Variants in SULT2B1 observed in about 807,000 individuals in gnomAD.
SULT2B1 encodes the protein sulfotransferase 2B1.
A neutral mutation model predicts 33.2 loss-of-function variants in SULT2B1; 16 were observed. That is an observed-to-expected ratio of 0.48 (90% CI 0.33 to 0.73). The LOEUF (loss-of-function observed/expected upper bound fraction) is 0.73, where lower values mean the gene tolerates loss of function less well. Ranked by LOEUF, SULT2B1 falls within the 30% of genes least tolerant of loss-of-function variation. The probability of loss-of-function intolerance (pLI) is 0.02; values close to 1 mark genes in which losing one functional copy is unlikely to be tolerated. For missense variants in SULT2B1, 500 were observed against 506.0 expected, an observed-to-expected ratio of 0.99 and a Z score of 0.11; for synonymous variants, 186 against 200.5, an observed-to-expected ratio of 0.93 and a Z score of 0.61.
intron 1 of SULT2B1, among the ~76,000 whole-genome samples, chr19:48,557,987 G>T (rs148938170): frequency 1.3e-5 from 2 of 152,194 alleles, no homozygotes; most frequent in East Asian, 3.9e-4. Flanking sequence ...TGGCACAGGC[G>T]GTAGGCAGGA....
At chr19:48,575,882 A>G (rs749175639) in intron 1 of SULT2B1, 59 bp from the exon 2 acceptor site, 1 of 1,567,946 alleles carries the variant, frequency 6.4e-7, no homozygotes, top group East Asian at 2.3e-5. Context: ...CGCCACCCTG[A>G]GAACTCCAGC....
At chr19:48,559,431 C>A (rs528604975) in intron 1 of SULT2B1, among the ~76,000 whole-genome samples, 1 of 152,004 alleles carries the variant, frequency 6.6e-6, no homozygotes, top group African/African-American at 2.4e-5. Flanking sequence ...AGAGCAGTGG[C>A]GTGATTTTAG....
chr19:48,571,905 G>A (rs1396845923), intron 1 of SULT2B1, among the ~76,000 whole-genome samples: 1 of 152,108 alleles, frequency 6.6e-6, no homozygotes, highest in Non-Finnish European at 1.5e-5. Context: ...GAGGCACCAT[G>A]CCCGGCTGCA....
At chr19:48,585,159 C>T (rs1973546187) in intron 2 of SULT2B1, among the ~76,000 whole-genome samples, 1 of 151,280 alleles carries the variant, frequency 6.6e-6, no homozygotes, top group Non-Finnish European at 1.5e-5. Context: ...CTGAAGTAAG[C>T]TGTGACTGCA....
chr19:48,580,113 T>TC (rs398041034), intron 2 of SULT2B1, among the ~76,000 whole-genome samples: 2 of 150,536 alleles, frequency 1.3e-5, no homozygotes, highest in Non-Finnish European at 3.0e-5. Flanking sequence ...TTTTTTTTTT[T>TC]CACAGACGAG....
intron 4 of SULT2B1, 66 bp from the exon 5 acceptor site, chr19:48,592,656 G>A: frequency 1.5e-6 from 2 of 1,377,828 alleles, no homozygotes; most frequent in Non-Finnish European, 2.0e-6. Flanking sequence ...TTAGACCCAT[G>A]AGCCCCAGTG....
intron 1 of SULT2B1, among the ~76,000 whole-genome samples, chr19:48,563,052 A>G (rs2147600460): frequency 6.6e-6 from 1 of 152,240 alleles, no homozygotes; most frequent in Non-Finnish European, 1.5e-5. Context: ...TTTCCCTATC[A>G]GATCTTTTTT....
intron 1 of SULT2B1, among the ~76,000 whole-genome samples, chr19:48,572,470 C>T (rs994239747): frequency 1.8e-4 from 27 of 151,882 alleles, no homozygotes; most frequent in African/African-American, 6.3e-4. Flanking sequence ...GCTGAGATCA[C>T]ACCACTACAC....
intron 2 of SULT2B1, among the ~76,000 whole-genome samples, chr19:48,578,830 T>G (rs1464838119): frequency 6.6e-6 from 1 of 151,640 alleles, no homozygotes; most frequent in Non-Finnish European, 1.5e-5. Context: ...GAGCCAAGAG[T>G]GCACCACTGA....
intron 1 of SULT2B1, among the ~76,000 whole-genome samples, chr19:48,560,240 G>A (rs1310832231): frequency 6.6e-6 from 1 of 152,146 alleles, no homozygotes. Flanking sequence ...GGATGGGTGA[G>A]GAATGATAAT....
chr19:48,565,235 C>T (rs1973229614), intron 1 of SULT2B1, among the ~76,000 whole-genome samples: 1 of 151,948 alleles, frequency 6.6e-6, no homozygotes, highest in Admixed American at 6.6e-5. Context: ...CTAATCCTTA[C>T]TTTTGATGCA....
intron 1 of SULT2B1, among the ~76,000 whole-genome samples, chr19:48,553,714 G>A (rs1034982196): frequency 6.6e-6 from 1 of 152,162 alleles, no homozygotes; most frequent in Non-Finnish European, 1.5e-5. Flanking sequence ...CCAGAGACAG[G>A]AGCAGTTCAA....
chr19:48,573,200 C>G (rs1009832960), intron 1 of SULT2B1, among the ~76,000 whole-genome samples: 1 of 151,268 alleles, frequency 6.6e-6, no homozygotes, highest in Non-Finnish European at 1.5e-5. Flanking sequence ...GGCTTGCAGG[C>G]AGAACCATTC....
chr19:48,580,862 A>G (rs1444226679), intron 2 of SULT2B1, among the ~76,000 whole-genome samples: 1 of 150,964 alleles, frequency 6.6e-6, no homozygotes, highest in Non-Finnish European at 1.5e-5. Context: ...TCAGCCTCCC[A>G]AAGTGCTGGG....
chr19:48,573,706 G>A (rs1973362497), intron 1 of SULT2B1, among the ~76,000 whole-genome samples: 1 of 152,106 alleles, frequency 6.6e-6, no homozygotes, highest in Non-Finnish European at 1.5e-5. Flanking sequence ...AGGGCTGAGA[G>A]GCCACCACAG....
At chr19:48,558,685 T>TC (rs1242301826) in intron 1 of SULT2B1, among the ~76,000 whole-genome samples, 2 of 140,108 alleles carry the variant, frequency 1.4e-5, no homozygotes, top group African/African-American at 2.8e-5. Flanking sequence ...TTTTCTTTTT[T>TC]TTTTTTTTTT....
At chr19:48,586,436 T>G (rs907030561) in intron 2 of SULT2B1, among the ~76,000 whole-genome samples, 2 of 152,140 alleles carry the variant, frequency 1.3e-5, no homozygotes, top group African/African-American at 2.4e-5. Flanking sequence ...GATTCTCCCC[T>G]GGAGTCTCTG....
At chr19:48,576,529 G>T (rs1973413659) in intron 2 of SULT2B1, among the ~76,000 whole-genome samples, 1 of 149,674 alleles carries the variant, frequency 6.7e-6, no homozygotes, top group Non-Finnish European at 1.5e-5. Context: ...ACAAGGTCTT[G>T]CTCTGTCACT....
Position 48,596,739 on chromosome 19 carries a change from G to GAC in SULT2B1, c.647_648dup (p.Leu217ThrfsTer34). ...GCTGACCCCTCTCCCCTGCCTGCAG[G>GAC]ACTTACAGGGCTCCGTGGAGCGCAT... is the stretch of plus-strand genomic sequence containing the variant. On this transcript the variant is annotated frameshift_variant and splice_region_variant, in exon 6 of 7. Transcript: ENST00000201586. LOFTEE classifies it high-confidence loss of function. 1 of 1,602,492 alleles carries GAC rather than the reference G, an allele frequency of 6.2e-7. No individual in the cohort carries two copies. The highest frequency in any genetic ancestry group is 8.5e-7 in the Non-Finnish European group (1 of 1,178,954).
Sources: allele counts gnomAD v4.1 joint callset (sites outside exome capture counted in the v4.1 genomes callset), GRCh38; gene constraint gnomAD v4.1.1; transcripts MANE v1.5; gene names NCBI Gene and HGNC (gene_info 2026-07-23, HGNC 2026-07-21).